The following TLR5 variants were observed in gnomAD, a reference collection of about 807,000 sequenced individuals.
TLR5 encodes the protein toll like receptor 5, also known as toll-like receptor 5.
For synonymous variants in TLR5, 373 were observed against 384.4 expected (o/e 0.97, Z 0.35); for missense variants, 944 against 999.8 (o/e 0.94, Z 0.75).
rs1558118242 is a variant in TLR5, at chr1:223,112,126, G to A, written c.906C>T (p.Ser302=). The change falls in exon 6 of 6, where the codon TCC becomes TCT. Residue 302 remains serine (S), a synonymous_variant. Transcript: ENST00000642603. ...HLDLSHGFVF[S]LNSRVFETLK... ...GTGTCTCAAAGACTCGTGAGTTCAG[G>A]GAGAAGACAAACCCATGTGAAAGAT... 2 of 1,614,184 alleles carry A rather than the reference G, an allele frequency of 1.2e-6. No individual in the cohort carries two copies. Among genetic ancestry groups the A allele is most frequent in the East Asian group, 2.2e-5 (1 of 44,882 alleles).
intron 5 of TLR5, among the ~76,000 whole-genome samples, chr1:223,114,695 G>A (rs1465048210): frequency 6.6e-6 from 1 of 152,182 alleles, no homozygotes; most frequent in Non-Finnish European, 1.5e-5. Flanking sequence ...AGTAGGCATG[G>A]ATGCCTGGAT....
chr1:223,123,840 CTGT>C (rs1657044916), intron 5 of TLR5: 1 of 152,234 alleles, frequency 6.6e-6, no homozygotes, highest in Admixed American at 6.5e-5. Flanking sequence ...GGCGTCCACG[CTGT>C]TGAGGTTGCC....
rs1201884267 is a variant in TLR5 at position 223,131,510 on chromosome 1, CT to C, written c.-5+964del. ...CGTCAAAGGCCACCTCAGAAGCCAC[CT>C]CTGCCATGAGAATTCTACATGCACT... On this transcript the variant is annotated intron_variant, in intron 5 of 5. Coordinates refer to ENST00000642603, the MANE Select transcript of TLR5 (RefSeq NM_003268.6). This position sits in a 1 kb window ranked among gnomAD's most constrained non-coding sequence, Gnocchi z 4.2. 6.6e-6 allele frequency among the ~76,000 whole-genome samples: 1 copy of C among 152,250 alleles called. No homozygotes were observed. The highest frequency in any genetic ancestry group is 6.5e-5 in the Admixed American group (1 of 15,284).
At chr1:223,115,074 T>C (rs1656560530) in intron 5 of TLR5, among the ~76,000 whole-genome samples, 2 of 152,206 alleles carry the variant, frequency 1.3e-5, no homozygotes, top group Non-Finnish European at 2.9e-5. Context: ...CTGGTTTATA[T>C]CATTCCTCTT....
At chr1:223,137,418 T>C (rs1315935346) in intron 2 of TLR5, 155 bp from the exon 3 acceptor site, 1 of 152,260 alleles carries the variant, frequency 6.6e-6, no homozygotes, top group East Asian at 1.9e-4. Context: ...CTGCTATCTA[T>C]GCATTTGCTA....
Position 223,113,040 on chromosome 1 carries a change from G to A in TLR5, c.-4-5C>T. On this transcript the variant is annotated splice_polypyrimidine_tract_variant and splice_region_variant and intron_variant, in intron 5 of 5. Transcript: ENST00000642603. ...TCCAGGTGGTCTCCCATGATCCTAT[G>A]GAGAAGAAGGGAGAATGAAAACACA... 1 of 1,613,956 alleles carries A rather than the reference G, an allele frequency of 6.2e-7. No individual in the cohort carries two copies. Among genetic ancestry groups the A allele is most frequent in the Non-Finnish European group, 8.5e-7 (1 of 1,179,902 alleles).
Position 223,110,750 on chromosome 1 carries a change from T to A in TLR5, c.2282A>T (p.His761Leu), listed in dbSNP as rs1317643262. Residue 761 changes from histidine to leucine, a missense_variant, in exon 6 of 6, where the codon CAC becomes CTC. His to Leu is a moderately conservative substitution (Grantham distance 99, BLOSUM62 -3). Transcript: ENST00000642603. ...SRKIVCLVSR[H>L]FLRDGWCLEA... ...AAGGCACCAGCCATCTCTAAGGAAG[T>A]GTCTGCTCACAAGACAAACGATCTT... 6.2e-7 allele frequency: 1 copy of A among 1,614,124 alleles called. No individual in the cohort carries two copies. The highest frequency in any genetic ancestry group is 1.3e-5 in the African/African-American group (1 of 74,944).
intron 5 of TLR5, among the ~76,000 whole-genome samples, chr1:223,124,269 C>G (rs1259761445): frequency 6.6e-6 from 1 of 151,912 alleles, no homozygotes; most frequent in African/African-American, 2.4e-5. Flanking sequence ...CACGGTGAAA[C>G]CTATCTCTAT....
chr1:223,118,725 T>C (rs1656797418), intron 5 of TLR5, among the ~76,000 whole-genome samples: 1 of 152,156 alleles, frequency 6.6e-6, no homozygotes, highest in South Asian at 2.1e-4. Flanking sequence ...ACGGGTATAA[T>C]GAGGCATTTT....
At chr1:223,121,719 C>T (rs1656963305) in intron 5 of TLR5, among the ~76,000 whole-genome samples, 1 of 152,170 alleles carries the variant, frequency 6.6e-6, no homozygotes, top group South Asian at 2.1e-4. Flanking sequence ...AGGGTTTTGC[C>T]ATATTGCCCA....
chr1:223,115,981 AC>A (rs1443874969), intron 5 of TLR5, among the ~76,000 whole-genome samples: 1 of 151,828 alleles, frequency 6.6e-6, no homozygotes, highest in African/African-American at 2.4e-5. Context: ...CTTCATGTGA[AC>A]CCTCTTCTCT....
chr1:223,140,300 A>T (rs1657785372), intron 2 of TLR5, among the ~76,000 whole-genome samples: 1 of 152,192 alleles, frequency 6.6e-6, no homozygotes, highest in Admixed American at 6.5e-5. Context: ...TAATCCTAGC[A>T]CTTTGGGAGG....
At chr1:223,124,538 A>G (rs1167667336) in intron 5 of TLR5, among the ~76,000 whole-genome samples, 1 of 152,152 alleles carries the variant, frequency 6.6e-6, no homozygotes, top group South Asian at 2.1e-4. Flanking sequence ...AATACATAAT[A>G]CAGCACTTGA....
At chr1:223,126,063 A>G (rs1463864762) in intron 5 of TLR5, among the ~76,000 whole-genome samples, 1 of 152,278 alleles carries the variant, frequency 6.6e-6, no homozygotes, top group Admixed American at 6.5e-5. Flanking sequence ...CAATATTCAT[A>G]GCAGTATCAC....
chr1:223,142,166 T>A (rs1640818), intron 1 of TLR5, among the ~76,000 whole-genome samples: 11,951 of 152,036 alleles, frequency 0.079, 805 homozygotes, highest in African/African-American at 0.18. Flanking sequence ...GAAACCACAT[T>A]GGCCCTGCAA....
intron 5 of TLR5, among the ~76,000 whole-genome samples, chr1:223,119,728 G>C (rs1656850516): frequency 6.6e-6 from 1 of 151,802 alleles, no homozygotes; most frequent in Admixed American, 6.6e-5. Context: ...GGGAGGCCAA[G>C]GTGGGCAGAT....
intron 5 of TLR5, among the ~76,000 whole-genome samples, chr1:223,120,075 C>T (rs1346140884): frequency 6.6e-6 from 1 of 150,664 alleles, no homozygotes; most frequent in Non-Finnish European, 1.5e-5. Context: ...TATTTTACCC[C>T]AAAATAGAAC....
intron 2 of TLR5, among the ~76,000 whole-genome samples, chr1:223,140,285 G>A (rs1198661003): frequency 6.6e-6 from 1 of 152,168 alleles, no homozygotes; most frequent in Non-Finnish European, 1.5e-5. Flanking sequence ...GGTGGCTCAC[G>A]CCTGTAATCC....
At position 223,114,229 on chromosome 1, in the gene TLR5, T is replaced by C. The variant is rs1273861558; in HGVS notation, c.-4-1194A>G. Reference sequence around the variant, plus strand: ...GTTTTTTTCATGGGTGCAGCAGAAATGGTGCTCAATGAACGTGTCTGGCTT... The same window carrying C: ...GTTTTTTTCATGGGTGCAGCAGAAACGGTGCTCAATGAACGTGTCTGGCTT... On this transcript the variant is annotated intron_variant, in intron 5 of 5. Transcript: ENST00000642603. 5.9e-5 allele frequency among the ~76,000 whole-genome samples: 9 copies of C among 152,156 alleles called. No homozygotes were observed. The East Asian group carries it at 1.7e-3, about 29-fold the overall frequency.
Sources: allele counts gnomAD v4.1 joint callset (sites outside exome capture counted in the v4.1 genomes callset), GRCh38; gene constraint gnomAD v4.1.1; non-coding constraint Gnocchi (gnomAD v3.1); transcripts MANE v1.5; gene names NCBI Gene and HGNC (gene_info 2026-07-23, HGNC 2026-07-21).